MCOLN2: variants seen among roughly 807,000 people sequenced by gnomAD.
MCOLN2 encodes the protein mucolipin TRP cation channel 2, also known as mucolipin-2.
A neutral mutation model predicts 67.5 loss-of-function variants in MCOLN2; 57 were observed. The observed-to-expected ratio is 0.84, with a 90% confidence interval of 0.68 to 1.05. The LOEUF (loss-of-function observed/expected upper bound fraction) is 1.05. Ranked by LOEUF, MCOLN2 falls within the 50% of genes least tolerant of loss-of-function variation. MCOLN2 has a pLI of 0.00. For missense variants in MCOLN2, 620 were observed against 678.8 expected (o/e 0.91, Z 0.96); for synonymous variants, 246 against 233.3 (o/e 1.05, Z -0.50).
At chr1:84,992,001 C>T (rs1280976523) in intron 1 of MCOLN2, among the ~76,000 whole-genome samples, 2 of 152,174 alleles carry the variant, frequency 1.3e-5, no homozygotes, top group East Asian at 3.8e-4. Context: ...ATGACTCTCC[C>T]TAAGGAAAAG....
intron 1 of MCOLN2, chr1:84,971,820 C>T (rs1003719486): frequency 4.6e-5 from 7 of 152,036 alleles, no homozygotes; most frequent in Non-Finnish European, 4.4e-5. Context: ...CCAGCACTTT[C>T]GGAGGCCAGG....
At chr1:84,928,051 G>A (rs1347344136) in intron 13 of MCOLN2, among the ~76,000 whole-genome samples, 3 of 152,086 alleles carry the variant, frequency 2.0e-5, no homozygotes, top group Non-Finnish European at 4.4e-5. Context: ...ACTCTGCAGG[G>A]TCCATGCAAG....
intron 13 of MCOLN2, among the ~76,000 whole-genome samples, chr1:84,928,500 C>T (rs1661260787): frequency 6.6e-6 from 1 of 152,152 alleles, no homozygotes; most frequent in African/African-American, 2.4e-5. Flanking sequence ...ACACCAAAGA[C>T]CTATCGTTTA....
At chr1:84,948,862 T>G (rs1648261907) in intron 6 of MCOLN2, among the ~76,000 whole-genome samples, 1 of 152,238 alleles carries the variant, frequency 6.6e-6, no homozygotes, top group South Asian at 2.1e-4. Flanking sequence ...CCGGGTGCAG[T>G]GGCCTGCCTG....
At chr1:84,957,139 G>A (rs969496642) in intron 3 of MCOLN2, among the ~76,000 whole-genome samples, 6 of 151,944 alleles carry the variant, frequency 3.9e-5, no homozygotes, top group African/African-American at 1.5e-4. Flanking sequence ...TAAAATAAAT[G>A]CAGTAAAAAA....
In MCOLN2 at chr1:84,926,506, G is replaced by T. The variant is rs764345692; in HGVS notation, c.*179C>A. 1 of 448,002 alleles carries T rather than the reference G, an allele frequency of 2.2e-6. No individual in the cohort carries two copies. The highest frequency in any genetic ancestry group is 4.0e-6 in the Non-Finnish European group (1 of 249,004). The allele number at this position is 448,002 out of a possible 1,614,324, so 27.8% of individuals were successfully genotyped here. A position where few individuals can be genotyped will look rare whatever the true frequency, so the allele number is the denominator to read the frequency against. ...CCATGGTCTATTCTTTATCATTCAA[G>T]TTTATAAAAAGTAAAGCTGGAACTT... On this transcript the variant is annotated 3_prime_UTR_variant, in exon 14 of 14. Coordinates refer to ENST00000370608, the MANE Select transcript of MCOLN2 (RefSeq NM_153259.4).
rs367546536 is a variant in MCOLN2, at chr1:84,987,499, C to CCTATATACATAT, written c.77+9296_77+9297insATATGTATATAG. Among the ~76,000 whole-genome samples, 81 of 38,992 alleles carry CCTATATACATAT rather than the reference C, an allele frequency of 2.1e-3. 1 individual carries two copies. The highest frequency in any genetic ancestry group is 5.1e-3 in the African/African-American group (37 of 7,286). 25.6% of individuals were successfully genotyped at this position (38,992 alleles called of 152,430 possible). Reference sequence around the variant, plus strand: ...ATATATACATATATACATATGTATACATAGATGTATACATATGTATATATG... The same window carrying CCTATATACATAT: ...ATATATACATATATACATATGTATACCTATATACATATATAGATGTATACATATGTATATATG... On this transcript the variant is annotated intron_variant, in intron 1 of 13. Coordinates refer to ENST00000370608, the MANE Select transcript of MCOLN2 (RefSeq NM_153259.4).
chr1:84,942,849 AC>A (rs150152159), intron 7 of MCOLN2, among the ~76,000 whole-genome samples: 3,336 of 151,894 alleles, frequency 0.022, 120 homozygotes, highest in African/African-American at 0.076. Flanking sequence ...TAGTATGCTC[AC>A]CCCCCTTACC....
At chr1:84,961,074 A>G (rs545653510) in intron 2 of MCOLN2, among the ~76,000 whole-genome samples, 8 of 151,980 alleles carry the variant, frequency 5.3e-5, no homozygotes, top group Non-Finnish European at 2.9e-5. Flanking sequence ...TGCCCATCAC[A>G]ATGTCAAACA....
intron 12 of MCOLN2, 94 bp from the exon 13 acceptor site, chr1:84,929,773 C>T: frequency 9.6e-6 from 12 of 1,256,392 alleles, no homozygotes; most frequent in Non-Finnish European, 1.3e-5. Context: ...TAAAATAAAA[C>T]TCTCCCACAT....
intron 11 of MCOLN2, among the ~76,000 whole-genome samples, chr1:84,937,161 A>C (rs1647474639): frequency 3.9e-5 from 6 of 152,232 alleles, no homozygotes; most frequent in Admixed American, 3.9e-4. Flanking sequence ...ATTTTATAAC[A>C]AGAACATCTT....
At chr1:84,939,154 C>G (rs1647602772) in intron 9 of MCOLN2, among the ~76,000 whole-genome samples, 1 of 152,126 alleles carries the variant, frequency 6.6e-6, no homozygotes, top group Non-Finnish European at 1.5e-5. Context: ...AAGGGTCAGG[C>G]TTTAGCGGGC....
At position 84,932,237 on chromosome 1, in the gene MCOLN2, CAG is replaced by C. The variant is rs1346743805; in HGVS notation, c.1336-671_1336-670del. On this transcript the variant is annotated intron_variant, in intron 11 of 13. Transcript: ENST00000370608. ...GTAGGTTTTGTTTGTTTGTTTGAGACAGAGTCTTACTCTGCCACCCAGGCTGG... is the reference window on the plus strand; with the variant it reads ...GTAGGTTTTGTTTGTTTGTTTGAGACAGTCTTACTCTGCCACCCAGGCTGG... Among the ~76,000 whole-genome samples the C allele has an allele frequency of 3.3e-5, 5 of 152,102 alleles. No homozygotes were observed. The South Asian group carries it at 8.3e-4, about 25-fold the overall frequency.
intron 4 of MCOLN2, 130 bp downstream of exon 4, chr1:84,956,301 G>T: frequency 2.5e-6 from 2 of 806,748 alleles, no homozygotes; most frequent in Middle Eastern, 2.3e-4. Flanking sequence ...GCCAGTGTTG[G>T]AGTGTCAGCC....
chr1:84,937,828 C>T lies in MCOLN2; in HGVS notation c.1262G>A (p.Cys421Tyr). The change falls in exon 11 of 14, where the codon TGT (cysteine) becomes TAT (tyrosine). Residue 421 changes from cysteine to tyrosine, a missense_variant. Coordinates refer to ENST00000370608, the MANE Select transcript of MCOLN2 (RefSeq NM_153259.4). ...CAGATAAATCATACCAGCACAAGCA[C>T]AAAACCGAAGAACTTTTGGCAGTGA... Reference protein sequence around the residue: ...QASLPKVLRFCACAGMIYLGY... With the variant: ...QASLPKVLRFYACAGMIYLGY... 1 of 1,614,112 alleles carries T rather than the reference C, an allele frequency of 6.2e-7. No individual in the cohort carries two copies.
intron 6 of MCOLN2, among the ~76,000 whole-genome samples, chr1:84,949,666 A>G (rs1339315020): frequency 2.0e-5 from 3 of 152,132 alleles, no homozygotes; most frequent in Non-Finnish European, 4.4e-5. Context: ...ATAAAAAAAT[A>G]CTGCAAGAGA....
Position 84,926,606 on chromosome 1 carries a change from G to T in MCOLN2, c.*79C>A. ...TAAATAAGAGAGTCATTTTGGAACT[G>T]CTTGTCCAAGTCATTTGGGGTTCCT... On this transcript the variant is annotated 3_prime_UTR_variant, in exon 14 of 14. Transcript: ENST00000370608. 1 of 1,068,972 alleles carries T rather than the reference G, an allele frequency of 9.4e-7. No individual in the cohort carries two copies. Among genetic ancestry groups the T allele is most frequent in the Non-Finnish European group, 1.4e-6 (1 of 740,014 alleles). The allele number at this position is 1,068,972 out of a possible 1,614,324, so 66.2% of individuals were successfully genotyped here.
chr1:84,929,761 G>A, intron 12 of MCOLN2, 82 bp from the exon 13 acceptor site: 2 of 1,423,984 alleles, frequency 1.4e-6, no homozygotes, highest in South Asian at 2.6e-5. Context: ...GCCCACCTTT[G>A]CTAAAATAAA....
At chr1:84,995,347 A>C (rs10873676) in intron 1 of MCOLN2, among the ~76,000 whole-genome samples, 74,824 of 152,000 alleles carry the variant, frequency 0.49, 18,695 homozygotes, top group Middle Eastern at 0.54. Context: ...AATTGAATTA[A>C]ATGCAGTATC....
Sources: gnomAD v4.1 joint callset for allele counts (sites outside exome capture counted in the v4.1 genomes callset) on GRCh38, gnomAD v4.1.1 for gene constraint, MANE v1.5 for transcripts, NCBI Gene and HGNC (gene_info 2026-07-23, HGNC 2026-07-21) for gene names.